Variants in MTERF4 observed in about 807,000 individuals in gnomAD.
The protein encoded by MTERF4 is transcription termination factor 4, mitochondrial.
In MTERF4, 17 loss-of-function variants were observed where a neutral mutation model predicts 22.5. The ratio of observed to expected loss-of-function variants is 0.75; its 90% confidence interval spans 0.52 to 1.13. The LOEUF is 1.13. Ranked by LOEUF, MTERF4 falls within the 50% of genes most tolerant of loss-of-function variation. The probability of loss-of-function intolerance (pLI) is 0.00; values close to 1 mark genes in which losing one functional copy is unlikely to be tolerated. For synonymous variants in MTERF4, 165 were observed against 175.3 expected, an observed-to-expected ratio of 0.94 and a Z score of 0.47; for missense variants, 420 against 466.8, an observed-to-expected ratio of 0.90 and a Z score of 0.92.
chr2:241,087,156 C>T (rs1216794180), downstream of MTERF4: 5 of 491,114 alleles, frequency 1.0e-5, no homozygotes, highest in Non-Finnish European at 1.8e-5. Flanking sequence ...TCAGAATGCA[C>T]ATTAAAATGG....
chr2:241,067,875 C>T, downstream of MTERF4: 1 of 1,613,534 alleles, frequency 6.2e-7, no homozygotes, highest in Non-Finnish European at 8.5e-7. Flanking sequence ...GTCCGTGTGT[C>T]CATCCGCCAC....
the MTERF4 span, chr2:241,051,612 A>G: frequency 0.56 from 381,337 of 684,404 alleles, 109,446 homozygotes; most frequent in East Asian, 0.81. The surrounding 1 kb of genome is among the most constrained non-coding windows in gnomAD (Gnocchi z 4.7). Context: ...CCCCTGCTGC[A>G]GCCAGGCCCC....
At chr2:241,071,541 C>A (rs757349628), downstream of MTERF4, 20 of 1,563,258 alleles carry the variant, frequency 1.3e-5, no homozygotes, top group Non-Finnish European at 1.7e-5. Context: ...AGAGGGCAGC[C>A]CCAGACCAGC....
chr2:241,066,733 C>T, the MTERF4 span, among the ~76,000 whole-genome samples: 12 of 152,238 alleles, frequency 7.9e-5, no homozygotes, highest in African/African-American at 2.6e-4. Context: ...GGTAGCATGG[C>T]GGGTAGGTGG....
downstream of MTERF4, among the ~76,000 whole-genome samples, chr2:241,083,564 G>T (rs2063433558): frequency 6.6e-6 from 1 of 152,198 alleles, no homozygotes; most frequent in South Asian, 2.1e-4. Flanking sequence ...ACTAATCTGT[G>T]TTGGGATTTG....
At chr2:241,052,139 G>A in the MTERF4 span, 8 of 1,613,626 alleles carry the variant, frequency 5.0e-6, no homozygotes, top group East Asian at 2.2e-5. Flanking sequence ...AGGCTTCTCC[G>A]GGCGGCACTG....
chr2:241,048,721 C>T, the MTERF4 span: 21 of 1,612,912 alleles, frequency 1.3e-5, no homozygotes, highest in African/African-American at 6.7e-5. Flanking sequence ...CAACACCACC[C>T]TCTGCCAGTG....
chr2:241,063,590 G>A, the MTERF4 span: 1 of 1,598,770 alleles, frequency 6.3e-7, no homozygotes, highest in East Asian at 2.2e-5. Context: ...TGTGCAGAGA[G>A]GGATGAGTGC....
downstream of MTERF4, chr2:241,090,156 G>A (rs2063835388): frequency 4.8e-6 from 7 of 1,462,356 alleles, no homozygotes; most frequent in South Asian, 1.0e-4. Flanking sequence ...ACACTGTACG[G>A]ATGTTCAAAA....
At chr2:241,048,393 A>G in the MTERF4 span, 1 of 1,611,956 alleles carries the variant, frequency 6.2e-7, no homozygotes, top group Non-Finnish European at 8.5e-7. Flanking sequence ...GACCAGGGCT[A>G]CGTGTGCGAG....
At chr2:241,078,423 C>G (rs1229798664) in intron 4 of MTERF4, among the ~76,000 whole-genome samples, 7 of 150,702 alleles carry the variant, frequency 4.6e-5, no homozygotes, top group Non-Finnish European at 8.8e-5. Flanking sequence ...AAAGGATAAG[C>G]AAAACATGGT....
At position 241,102,262 on chromosome 2, in the gene MTERF4, G is replaced by A. The variant is rs759408098; in HGVS notation, c.12C>T (p.Phe4=). ...CCCAGCTCGAGCTTACCTGACGGCC[G>A]AACGCAGCCATAGCGCGGAGAAGAT... MAA[F]GRQVLDWHRL... The change falls in exon 1 of 4, where the codon TTC becomes TTT. Residue 4 remains phenylalanine, a synonymous_variant. Transcript: ENST00000391980. 1.7e-5 allele frequency: 27 copies of A among 1,549,338 alleles called. No homozygotes were observed. The highest frequency in any genetic ancestry group is 2.3e-5 in the Non-Finnish European group (26 of 1,146,178).
chr2:241,071,672 G>A (rs566701333), downstream of MTERF4: 94 of 1,555,662 alleles, frequency 6.0e-5, no homozygotes, highest in African/African-American at 6.8e-5. Context: ...CCGGAGCTGC[G>A]CCTGCTCAAT....
chr2:241,086,564 T>C (rs1441328062), downstream of MTERF4, among the ~76,000 whole-genome samples: 1 of 152,252 alleles, frequency 6.6e-6, no homozygotes, highest in East Asian at 1.9e-4. Flanking sequence ...TTGTCTGTTT[T>C]CTAACATCTG....
Position 241,096,366 on chromosome 2 carries a change from T to C in MTERF4, c.778A>G (p.Lys260Glu). The C allele has an allele frequency of 6.2e-7, 1 of 1,614,204 alleles. No homozygotes were observed. Among genetic ancestry groups the C allele is most frequent in the Non-Finnish European group, 8.5e-7 (1 of 1,180,050 alleles). ...KSEYLQYSLT[K>E]IKQRHIYLER... ...AGGTAAATGTGTCTCTGCTTAATCT[T>C]GGTTAGTGAATACTGCAAGTACTCA... is the stretch of plus-strand genomic sequence containing the variant. Residue 260 changes from lysine to glutamate, a missense_variant, in exon 4 of 4, where the codon AAG becomes GAG. By Grantham distance (56) the Lys-to-Glu change is moderately conservative. Coordinates refer to ENST00000391980, the MANE Select transcript of MTERF4 (RefSeq NM_182501.4). This position sits in a 1 kb window ranked among gnomAD's most constrained non-coding sequence, Gnocchi z 5.1.
At chr2:241,048,791 G>A in the MTERF4 span, 2 of 1,554,912 alleles carry the variant, frequency 1.3e-6, no homozygotes, top group East Asian at 2.3e-5. Flanking sequence ...CACCCTTCCT[G>A]CCCTGTCCCT....
At chr2:241,049,906 G>A in the MTERF4 span, 1 of 1,613,520 alleles carries the variant, frequency 6.2e-7, no homozygotes, top group Non-Finnish European at 8.5e-7. Context: ...GTGCCCGCGC[G>A]GGTTCCACGG....
rs761243307 is a variant in MTERF4, at chr2:241,095,768, A to G, written c.*230T>C. The G allele has an allele frequency of 7.5e-5, 50 of 664,976 alleles. No homozygotes were observed. The highest frequency in any genetic ancestry group is 1.2e-4 in the Non-Finnish European group (48 of 399,670). The allele number at this position is 664,976 out of a possible 1,614,324, so 41.2% of individuals were successfully genotyped here. A position where few individuals can be genotyped will look rare whatever the true frequency, so the allele number is the denominator to read the frequency against. On this transcript the variant is annotated 3_prime_UTR_variant, in exon 4 of 4. Transcript: ENST00000391980. ...ACATAAGTATCTTATTCAGGATGGG[A>G]CAGGGCCCTCCCCACAGACACGTGA...
the MTERF4 span, among the ~76,000 whole-genome samples, chr2:241,061,494 C>A: frequency 1.3e-5 from 2 of 152,334 alleles, no homozygotes; most frequent in Non-Finnish European, 2.9e-5. Context: ...TTTACGTCAA[C>A]TGTGTTCCAG....
Sources: allele counts gnomAD v4.1 joint callset (sites outside exome capture counted in the v4.1 genomes callset), GRCh38; gene constraint gnomAD v4.1.1; non-coding constraint Gnocchi (gnomAD v3.1); transcripts MANE v1.5; gene names NCBI Gene and HGNC (gene_info 2026-07-23, HGNC 2026-07-21).